The following UBOX5 variants were observed in gnomAD, a reference collection of about 807,000 sequenced individuals.
UBOX5 encodes the protein RING finger protein 37.
In UBOX5, 28 loss-of-function variants were observed where a neutral mutation model predicts 39.0. The observed-to-expected ratio is 0.72, with a 90% CI of 0.53 to 0.98. The LOEUF is 0.98. Among genes scored for constraint, UBOX5 ranks in the 50% least tolerant of loss-of-function variants. The pLI is 0.00. For synonymous variants in UBOX5, 283 were observed against 275.5 expected (o/e 1.03, Z -0.27); for missense variants, 585 against 674.4 (o/e 0.87, Z 1.47).
chr20:3,117,682 A>G (rs920436073), intron 3 of UBOX5, among the ~76,000 whole-genome samples: 1 of 145,358 alleles, frequency 6.9e-6, no homozygotes, highest in African/African-American at 2.6e-5. Flanking sequence ...AGACTCCGTC[A>G]CTATATAGAT....
At chr20:3,156,794 T>C (rs933714127) in intron 1 of UBOX5, 5 of 152,284 alleles carry the variant, frequency 3.3e-5, no homozygotes, top group African/African-American at 9.7e-5. Context: ...ATGCTAACTG[T>C]AGACTGAGTA....
chr20:3,121,800 G>C lies in UBOX5; in HGVS notation c.839C>G (p.Ser280Ter). Residue 280 changes from serine to a stop codon, truncating the protein, a stop_gained, in exon 3 of 5, where the codon TCA becomes TGA. Coordinates refer to ENST00000217173, the MANE Select transcript of UBOX5 (RefSeq NM_014948.4). LOFTEE classifies it high-confidence loss of function. ...TGTGCTCTGGTCGATGACCTTGCCTGAGGGCAGCAGCATGGGACAAGGCAT... is the reference window on the plus strand; with the variant it reads ...TGTGCTCTGGTCGATGACCTTGCCTCAGGGCAGCAGCATGGGACAAGGCAT... ...EIMPCPMLLP[S>*]GKVIDQSTLE... 1 of 1,614,144 alleles carries C rather than the reference G, an allele frequency of 6.2e-7. No individual in the cohort carries two copies. The highest frequency in any genetic ancestry group is 8.5e-7 in the Non-Finnish European group (1 of 1,180,040).
At chr20:3,130,993 A>T (rs1013037760) in intron 1 of UBOX5, among the ~76,000 whole-genome samples, 2 of 152,132 alleles carry the variant, frequency 1.3e-5, no homozygotes, top group Admixed American at 1.3e-4. Flanking sequence ...GCACTTTGGG[A>T]GGCCGAGGCG....
chr20:3,125,084 G>C (rs963170501), intron 1 of UBOX5, among the ~76,000 whole-genome samples: 1 of 146,526 alleles, frequency 6.8e-6, no homozygotes, highest in Non-Finnish European at 1.5e-5. Flanking sequence ...GCCCCATCTG[G>C]GAAGTGGGGA....
At chr20:3,132,967 AAATT>A (rs2066441145) in intron 1 of UBOX5, among the ~76,000 whole-genome samples, 1 of 151,932 alleles carries the variant, frequency 6.6e-6, no homozygotes, top group African/African-American at 2.4e-5. Context: ...ACAAAAAAAA[AAATT>A]AAATAATTAA....
intron 4 of UBOX5, among the ~76,000 whole-genome samples, chr20:3,114,017 C>T (rs2066274717): frequency 6.6e-6 from 1 of 152,076 alleles, no homozygotes; most frequent in African/African-American, 2.4e-5. Context: ...GCCTGTAATC[C>T]CAGCTACTTG....
At chr20:3,110,399 C>T (rs1007963096) in intron 4 of UBOX5, 85 bp from the exon 5 acceptor site, 20 of 1,469,024 alleles carry the variant, frequency 1.4e-5, no homozygotes, top group African/African-American at 1.1e-4. Context: ...GCCTTCCCAC[C>T]GTGCTGCTGC....
intron 1 of UBOX5, among the ~76,000 whole-genome samples, chr20:3,134,113 T>TAC (rs2066451285): frequency 6.6e-6 from 1 of 152,088 alleles, no homozygotes; most frequent in African/African-American, 2.4e-5. Flanking sequence ...TATGCATATA[T>TAC]ATATATAAAC....
chr20:3,116,529 C>T (rs551804011), intron 3 of UBOX5: 1 of 152,208 alleles, frequency 6.6e-6, no homozygotes, highest in Non-Finnish European at 1.5e-5. Flanking sequence ...GAGCCCTAGT[C>T]AGCGTGGTCC....
rs1338947259 is a variant in UBOX5 at position 3,107,956 on chromosome 20, G to C, written c.*2150C>G. ...AGGGCTCTCGGGGTTGGGTGGACAG[G>C]GTTTCTCCGAGAGATGGGCTCCCAG... On this transcript the variant is annotated 3_prime_UTR_variant, in exon 5 of 5. Transcript: ENST00000217173. The surrounding 1 kb of genome is among the most constrained non-coding windows in gnomAD (Gnocchi z 5.0). 1 of 152,258 alleles carries C rather than the reference G, an allele frequency of 6.6e-6. No individual in the cohort carries two copies. Among genetic ancestry groups the C allele is most frequent in the Non-Finnish European group, 1.5e-5 (1 of 68,088 alleles). 9.4% of individuals were successfully genotyped at this position (152,258 alleles called of 1,614,324 possible).
intron 1 of UBOX5, among the ~76,000 whole-genome samples, chr20:3,138,917 T>A (rs896035405): frequency 7.2e-5 from 11 of 152,238 alleles, no homozygotes; most frequent in African/African-American, 2.6e-4. Flanking sequence ...CATAGAGATG[T>A]AATGAAAAGT....
intron 1 of UBOX5, among the ~76,000 whole-genome samples, chr20:3,159,284 C>A (rs2066721624): frequency 1.3e-5 from 2 of 152,200 alleles, no homozygotes; most frequent in Admixed American, 1.3e-4. Flanking sequence ...AAGCAACATA[C>A]TGTAGGGCCT....
chr20:3,114,428 C>T (rs559609089), intron 4 of UBOX5, among the ~76,000 whole-genome samples: 1 of 152,192 alleles, frequency 6.6e-6, no homozygotes, highest in East Asian at 1.9e-4. Context: ...AAAATGCCTC[C>T]CGTTGCAATC....
intron 4 of UBOX5, among the ~76,000 whole-genome samples, chr20:3,112,826 C>T (rs139991475): frequency 0.013 from 1,927 of 151,500 alleles, 19 homozygotes; most frequent in South Asian, 0.06. Context: ...ATTAGCCGGG[C>T]GTGGTGGCGG....
chr20:3,143,594 G>A (rs2148615360), intron 1 of UBOX5, among the ~76,000 whole-genome samples: 1 of 152,090 alleles, frequency 6.6e-6, no homozygotes, highest in East Asian at 1.9e-4. Flanking sequence ...AGGAGTTCAA[G>A]ACCAGCCTGG....
intron 1 of UBOX5, among the ~76,000 whole-genome samples, chr20:3,126,945 AG>A (rs748883818): frequency 4.0e-5 from 6 of 149,794 alleles, no homozygotes; most frequent in Middle Eastern, 3.4e-3. Flanking sequence ...CCAAGGCAGG[AG>A]AATCACTTGA....
At chr20:3,135,320 TACAGG>T (rs1362268129) in intron 1 of UBOX5, among the ~76,000 whole-genome samples, 1 of 152,030 alleles carries the variant, frequency 6.6e-6, no homozygotes, top group Non-Finnish European at 1.5e-5. Flanking sequence ...GACTGTAGAC[TACAGG>T]AGCCAAGAGG....
rs374979965 is a variant in UBOX5, at chr20:3,147,671, T to C, written c.-42+12095A>G. Reference sequence around the variant, plus strand: ...GCAGGTGGGCAGGTGTTCTGGGTACTGGTTGAATTCAGGCATCTTTCTGTG... The same window carrying C: ...GCAGGTGGGCAGGTGTTCTGGGTACCGGTTGAATTCAGGCATCTTTCTGTG... On this transcript the variant is annotated intron_variant, in intron 1 of 4. Coordinates refer to ENST00000217173, the MANE Select transcript of UBOX5 (RefSeq NM_014948.4). 7.9e-5 allele frequency: 128 copies of C among 1,614,124 alleles called. No homozygotes were observed. The highest frequency in any genetic ancestry group is 8.6e-5 in the Non-Finnish European group (102 of 1,180,042).
chr20:3,124,285 A>G lies in UBOX5; in HGVS notation c.-41-879T>C, dbSNP rs1021693676. Among the ~76,000 whole-genome samples the G allele has an allele frequency of 5.9e-5, 9 of 152,036 alleles. No homozygotes were observed. The South Asian group carries it at 1.9e-3, about 32-fold the overall frequency. Reference sequence around the variant, plus strand: ...GCCGAGGCTGGACTGTACTGCCGTGATCTCAGCTCGCTGCAACCTCCCTGC... The same window carrying G: ...GCCGAGGCTGGACTGTACTGCCGTGGTCTCAGCTCGCTGCAACCTCCCTGC... On this transcript the variant is annotated intron_variant, in intron 1 of 4. Transcript: ENST00000217173.
Sources: allele counts gnomAD v4.1 joint callset (sites outside exome capture counted in the v4.1 genomes callset), GRCh38; gene constraint gnomAD v4.1.1; non-coding constraint Gnocchi (gnomAD v3.1); transcripts MANE v1.5; gene names NCBI Gene and HGNC (gene_info 2026-07-23, HGNC 2026-07-21).